CLTCL1: variants seen among roughly 807,000 people sequenced by gnomAD.
CLTCL1 encodes clathrin heavy chain 2.
In CLTCL1, 159 loss-of-function variants were observed where a neutral mutation model predicts 190.0. That is an observed-to-expected ratio of 0.84 (90% CI 0.74 to 0.95). The LOEUF is 0.95. Among genes scored for constraint, CLTCL1 ranks in the 40% least tolerant of loss-of-function variants. The pLI is 0.00. For missense variants in CLTCL1, 1,878 were observed against 2,033.4 expected (o/e 0.92, Z 1.47); for synonymous variants, 752 against 769.6 (o/e 0.98, Z 0.38).
At chr22:19,230,334 C>CT (rs550758627) in intron 10 of CLTCL1, among the ~76,000 whole-genome samples, 104 of 152,246 alleles carry the variant, frequency 6.8e-4, no homozygotes, top group African/African-American at 2.5e-3. Context: ...GAACTCCCGA[C>CT]TTCAGGTGAT....
intron 30 of CLTCL1, chr22:19,183,148 G>C (rs1555926548): frequency 4.0e-6 from 2 of 501,778 alleles, no homozygotes; most frequent in African/African-American, 1.9e-5. Context: ...CCCAGCCAGA[G>C]TCTACAGGAG....
chr22:19,274,516 A>G (rs5748091), intron 2 of CLTCL1, among the ~76,000 whole-genome samples: 10,823 of 152,248 alleles, frequency 0.071, 467 homozygotes, highest in Middle Eastern at 0.17. Flanking sequence ...TACAAGGGAA[A>G]AGGTAGGGTT....
intron 19 of CLTCL1, among the ~76,000 whole-genome samples, chr22:19,215,886 G>C (rs999829428): frequency 7.2e-5 from 11 of 152,202 alleles, no homozygotes; most frequent in Admixed American, 5.2e-4. Flanking sequence ...AGGAGCGCAG[G>C]CTCCTAGAAA....
rs782328400 is a variant in CLTCL1 at position 19,209,082 on chromosome 22, C to T, written c.3282G>A (p.Arg1094=). The T allele has an allele frequency of 1.7e-5, 28 of 1,607,514 alleles. No individual in the cohort carries two copies. The highest frequency in any genetic ancestry group is 2.3e-5 in the Non-Finnish European group (27 of 1,176,858). The change falls in exon 21 of 33, where the codon CGG becomes CGA. Residue 1094 remains arginine, a synonymous_variant. Coordinates refer to ENST00000427926, the MANE Select transcript of CLTCL1 (RefSeq NM_007098.4). ...VLIEHIGNLD[R]AYEFAERCNE... Reference sequence around the variant, plus strand: ...TGCATCTCTCCGCAAACTCATATGCCCGGTCCAGGTTTCCAATGTGCTCGA... The same window carrying T: ...TGCATCTCTCCGCAAACTCATATGCTCGGTCCAGGTTTCCAATGTGCTCGA...
intron 32 of CLTCL1, 106 bp from the exon 33 acceptor site, chr22:19,180,075 C>T: frequency 3.6e-6 from 3 of 839,830 alleles, no homozygotes; most frequent in Non-Finnish European, 5.9e-6. Context: ...GTCTATAGGA[C>T]CAGCCCTTAC....
intron 19 of CLTCL1, among the ~76,000 whole-genome samples, chr22:19,215,812 A>C (rs114531940): frequency 6.6e-6 from 1 of 152,330 alleles, no homozygotes; most frequent in African/African-American, 2.4e-5. Context: ...TGAGACCTTC[A>C]TAAAATGCCA....
chr22:19,257,999 G>A, intron 2 of CLTCL1: 1 of 573,016 alleles, frequency 1.7e-6, no homozygotes, highest in Non-Finnish European at 3.2e-6. Context: ...TGCCCATCTT[G>A]CTGCTGCTGA....
At chr22:19,242,981 A>C in intron 3 of CLTCL1, 45 bp from the exon 4 acceptor site, 1 of 1,526,164 alleles carries the variant, frequency 6.6e-7, no homozygotes, top group Non-Finnish European at 8.9e-7. Flanking sequence ...AAAGAGAGGA[A>C]TATAAAGAAA....
At chr22:19,201,571 T>C (rs1390468219) in intron 22 of CLTCL1, 78 bp from the exon 23 acceptor site, 1 of 1,433,960 alleles carries the variant, frequency 7.0e-7, no homozygotes, top group South Asian at 1.3e-5. Flanking sequence ...AGTTCCTAGA[T>C]GGCAGAGGTA....
intron 24 of CLTCL1, among the ~76,000 whole-genome samples, chr22:19,199,137 T>A (rs1243014732): frequency 6.6e-6 from 1 of 152,170 alleles, no homozygotes; most frequent in Non-Finnish European, 1.5e-5. Context: ...CCCATCTTCG[T>A]CTGCCTTGAC....
chr22:19,233,676 C>T, intron 7 of CLTCL1, 54 bp from the exon 8 acceptor site: 1 of 1,535,988 alleles, frequency 6.5e-7, no homozygotes, highest in East Asian at 2.3e-5. Flanking sequence ...GGGATCCCTT[C>T]ACTCAACTTC....
At chr22:19,206,950 T>TA (rs1321321311) in intron 22 of CLTCL1, among the ~76,000 whole-genome samples, 2 of 151,710 alleles carry the variant, frequency 1.3e-5, no homozygotes, top group Non-Finnish European at 1.5e-5. Flanking sequence ...TTATTCCTAT[T>TA]AAAAAAGGAA....
At chr22:19,218,290 T>A (rs2085455734) in intron 18 of CLTCL1, among the ~76,000 whole-genome samples, 1 of 152,232 alleles carries the variant, frequency 6.6e-6, no homozygotes. Context: ...TGGAGAAATG[T>A]CTGATGTCTG....
At chr22:19,202,261 G>T (rs560533863) in intron 22 of CLTCL1, among the ~76,000 whole-genome samples, 93 of 152,008 alleles carry the variant, frequency 6.1e-4, no homozygotes, top group Non-Finnish European at 1.0e-3. Flanking sequence ...CATACCTGTG[G>T]CTGCAGAGCT....
intron 3 of CLTCL1, among the ~76,000 whole-genome samples, chr22:19,251,614 G>A (rs1306480217): frequency 6.6e-6 from 1 of 152,174 alleles, no homozygotes; most frequent in Non-Finnish European, 1.5e-5. Flanking sequence ...CCGCCACCGT[G>A]CCCGGCTAAT....
Position 19,291,163 on chromosome 22 carries a change from C to T in CLTCL1, c.42+437G>A, listed in dbSNP as rs370302528. ...CTCTTGGGTCACGCATGTTCACGGT[C>T]CTCCCAGGCGAAGCCGCCCTGGGGA... On this transcript the variant is annotated intron_variant, in intron 1 of 32. Coordinates refer to ENST00000427926, the MANE Select transcript of CLTCL1 (RefSeq NM_007098.4). Among the ~76,000 whole-genome samples, 60 of 152,350 alleles carry T rather than the reference C, an allele frequency of 3.9e-4. 1 individual carries two copies. Among genetic ancestry groups the T allele is most frequent in the African/African-American group, 1.3e-3 (56 of 41,582 alleles).
At chr22:19,240,660 G>A (rs2086225117) in intron 4 of CLTCL1, among the ~76,000 whole-genome samples, 1 of 152,204 alleles carries the variant, frequency 6.6e-6, no homozygotes, top group Non-Finnish European at 1.5e-5. Flanking sequence ...AAGCAGGTCT[G>A]AGGACCTAAT....
intron 3 of CLTCL1, among the ~76,000 whole-genome samples, chr22:19,246,323 G>GT (rs2086417622): frequency 6.6e-6 from 1 of 152,022 alleles, no homozygotes; most frequent in Admixed American, 6.6e-5. Flanking sequence ...GCCTCCCAAA[G>GT]TGCTGGGATT....
At chr22:19,192,101 T>G (rs1266583928) in intron 26 of CLTCL1, among the ~76,000 whole-genome samples, 1 of 144,622 alleles carries the variant, frequency 6.9e-6, no homozygotes, top group Non-Finnish European at 1.5e-5. Context: ...AGTCTCACTC[T>G]GTCGCCCAGG....
Sources: allele counts gnomAD v4.1 joint callset (sites outside exome capture counted in the v4.1 genomes callset), GRCh38; gene constraint gnomAD v4.1.1; transcripts MANE v1.5; gene names NCBI Gene and HGNC (gene_info 2026-07-23, HGNC 2026-07-21).